The following TMEM132B variants were observed in gnomAD, a reference collection of about 807,000 sequenced individuals.
The protein encoded by TMEM132B is transmembrane protein 132B.
TMEM132B carries 18 observed loss-of-function variants against 90.8 expected under a neutral mutation model. That is an observed-to-expected ratio of 0.20 (90% CI 0.14 to 0.29). TMEM132B has a LOEUF of 0.29. Among genes scored for constraint, TMEM132B ranks in the 10% least tolerant of loss-of-function variants. The probability of loss-of-function intolerance (pLI) is 1.00; values close to 1 mark genes in which losing one functional copy is unlikely to be tolerated. For synonymous variants in TMEM132B, 504 were observed against 523.3 expected, an observed-to-expected ratio of 0.96 and a Z score of 0.50; for missense variants, 1,096 against 1,326.8, an observed-to-expected ratio of 0.83 and a Z score of 2.70.
chr12:125,585,091 C>T (rs1442782832), intron 5 of TMEM132B: 1 of 152,124 alleles, frequency 6.6e-6, no homozygotes, highest in Non-Finnish European at 1.5e-5. Flanking sequence ...TTGTTGTGAC[C>T]TACAGGATGC....
rs753323504 is a variant in TMEM132B, at chr12:125,644,204, C to T, written c.1566C>T (p.Leu522=). Residue 522 remains leucine, a synonymous_variant, in exon 6 of 9, where the codon CTC becomes CTT. Coordinates refer to ENST00000682704, the MANE Select transcript of TMEM132B (RefSeq NM_001366854.1). ...QFEVTVWAPR[L]PLQIEISDTE... ...AGGTCACTGTCTGGGCACCCAGGCT[C>T]CCCCTGCAGATTGAGATCTCAGACA... 4 of 1,614,186 alleles carry T rather than the reference C, an allele frequency of 2.5e-6. No individual in the cohort carries two copies. The highest frequency in any genetic ancestry group is 1.3e-5 in the African/African-American group (1 of 75,036).
intron 4 of TMEM132B, 135 bp from the exon 5 acceptor site, chr12:125,583,716 G>C: frequency 9.5e-7 from 1 of 1,056,742 alleles, no homozygotes; most frequent in African/African-American, 1.6e-5. Flanking sequence ...GAGCTTTGTG[G>C]CTTTGTCCCT....
chr12:125,243,553 G>A lies in TMEM132B; in HGVS notation c.67+56687G>A, dbSNP rs146338437. Among the ~76,000 whole-genome samples, 47 of 152,300 alleles carry A rather than the reference G, an allele frequency of 3.1e-4. 1 individual carries two copies. Among genetic ancestry groups the A allele is most frequent in the African/African-American group, 1.1e-3 (45 of 41,564 alleles). ...ACTCCTGACCTCGAGTGATCTGCCT[G>A]CCTCGGCCTCCCAAAGTGCTGGGAC... is the stretch of plus-strand genomic sequence containing the variant. On this transcript the variant is annotated intron_variant, in intron 1 of 8. Transcript: ENST00000682704.
At position 125,463,353 on chromosome 12, in the gene TMEM132B, G is replaced by T. The variant is rs190948039; in HGVS notation, c.1106+47676G>T. 1.6e-3 allele frequency among the ~76,000 whole-genome samples: 242 copies of T among 152,254 alleles called. 2 individuals carry two copies. The highest frequency in any genetic ancestry group is 5.6e-3 in the African/African-American group (233 of 41,558). ...TCACAATAGGGATGGATGGCAATGG[G>T]GTGTGCTGTCAGTGTGATGTGCATT... On this transcript the variant is annotated intron_variant, in intron 3 of 8. Coordinates refer to ENST00000682704, the MANE Select transcript of TMEM132B (RefSeq NM_001366854.1).
rs149451744 is a variant in TMEM132B, at chr12:125,281,026, C to G, written c.68-68426C>G. Among the ~76,000 whole-genome samples, 1,452 of 152,270 alleles carry G rather than the reference C, an allele frequency of 9.5e-3. 23 individuals are homozygous for G. The highest frequency in any genetic ancestry group is 0.072 in the South Asian group (349 of 4,824). ...ACATGAAGTTCTCTGTGAGGGAACG[C>G]TGGGGAATTACCACACAATGAACCC... On this transcript the variant is annotated intron_variant, in intron 1 of 8. Coordinates refer to ENST00000682704, the MANE Select transcript of TMEM132B (RefSeq NM_001366854.1).
intron 1 of TMEM132B, among the ~76,000 whole-genome samples, chr12:125,241,745 A>G (rs1874073418): frequency 6.6e-6 from 1 of 152,192 alleles, no homozygotes; most frequent in South Asian, 2.1e-4. Context: ...CGTCCAGTCC[A>G]TGGCGATTTG....
intron 2 of TMEM132B, among the ~76,000 whole-genome samples, chr12:125,411,721 GT>G (rs1879847574): frequency 6.6e-6 from 1 of 152,028 alleles, no homozygotes; most frequent in East Asian, 1.9e-4. Flanking sequence ...CTAGAAATGC[GT>G]TTGTGGTGTC....
In TMEM132B at chr12:125,349,445, T is replaced by C; in HGVS notation, c.68-7T>C. 1.3e-6 allele frequency: 2 copies of C among 1,596,410 alleles called. No homozygotes were observed. The highest frequency in any genetic ancestry group is 1.7e-6 in the Non-Finnish European group (2 of 1,171,202). Reference sequence around the variant, plus strand: ...GTTTTATTCTTTTGCTTTCCTTTCTTGTGCAGTGACAGAGAGTCGAGGGAT... The same window carrying C: ...GTTTTATTCTTTTGCTTTCCTTTCTCGTGCAGTGACAGAGAGTCGAGGGAT... On this transcript the variant is annotated splice_polypyrimidine_tract_variant and splice_region_variant and intron_variant, in intron 1 of 8. Transcript: ENST00000682704. This position sits in a 1 kb window ranked among gnomAD's most constrained non-coding sequence, Gnocchi z 4.1.
At chr12:125,565,508 T>C (rs1884639092) in intron 4 of TMEM132B, among the ~76,000 whole-genome samples, 1 of 152,198 alleles carries the variant, frequency 6.6e-6, no homozygotes, top group South Asian at 2.1e-4. Context: ...CCCAGGTGCT[T>C]GTCCAGTATC....
chr12:125,646,559 G>C (rs1324913730), intron 6 of TMEM132B, among the ~76,000 whole-genome samples: 2 of 152,122 alleles, frequency 1.3e-5, no homozygotes, highest in Admixed American at 1.3e-4. Flanking sequence ...GTCTCCTATG[G>C]GCAAACCCAG....
chr12:125,225,633 T>C (rs575469531), intron 1 of TMEM132B, among the ~76,000 whole-genome samples: 22 of 152,334 alleles, frequency 1.4e-4, no homozygotes, highest in African/African-American at 4.1e-4. Flanking sequence ...TTCTTTTCCA[T>C]GGAACAGTTC....
At chr12:125,440,067 T>A (rs1208374010) in intron 3 of TMEM132B, among the ~76,000 whole-genome samples, 1 of 152,216 alleles carries the variant, frequency 6.6e-6, no homozygotes, top group Non-Finnish European at 1.5e-5. Flanking sequence ...GGATTCAGTT[T>A]GCAAGTATTT....
At chr12:125,564,699 T>G (rs949234694) in intron 4 of TMEM132B, among the ~76,000 whole-genome samples, 1 of 152,256 alleles carries the variant, frequency 6.6e-6, no homozygotes, top group Non-Finnish European at 1.5e-5. Context: ...CTTACCACTT[T>G]CCTGTGTAGT....
At chr12:125,411,460 C>T (rs957522382) in intron 2 of TMEM132B, among the ~76,000 whole-genome samples, 4 of 151,696 alleles carry the variant, frequency 2.6e-5, no homozygotes, top group African/African-American at 4.9e-5. Context: ...ATGGGTATAC[C>T]TATGTAACAA....
At chr12:125,618,849 C>G (rs1886052085) in intron 5 of TMEM132B, among the ~76,000 whole-genome samples, 1 of 152,064 alleles carries the variant, frequency 6.6e-6, no homozygotes, top group African/African-American at 2.4e-5. Flanking sequence ...GCAATTGACT[C>G]CAGTTTGGTA....
chr12:125,433,390 G>T (rs11058169), intron 3 of TMEM132B, among the ~76,000 whole-genome samples: 72,174 of 151,646 alleles, frequency 0.48, 20,053 homozygotes, highest in African/African-American at 0.77. Context: ...AAGGACCCTC[G>T]GGTCATTCCT....
At chr12:125,519,329 G>C in intron 3 of TMEM132B, 110 bp from the exon 4 acceptor site, 2 of 1,159,894 alleles carry the variant, frequency 1.7e-6, no homozygotes, top group Non-Finnish European at 2.4e-6. Context: ...TGTTGAACTT[G>C]GCAGTCATTC....
chr12:125,188,417 A>G (rs1045851201), intron 1 of TMEM132B, among the ~76,000 whole-genome samples: 6 of 152,058 alleles, frequency 3.9e-5, no homozygotes, highest in Non-Finnish European at 8.8e-5. Context: ...TTTTGTCTCT[A>G]TTTTGTTTCT....
chr12:125,441,958 AT>A (rs980514284), intron 3 of TMEM132B, among the ~76,000 whole-genome samples: 1 of 152,190 alleles, frequency 6.6e-6, no homozygotes, highest in East Asian at 1.9e-4. Flanking sequence ...TTTTTGAAAG[AT>A]TTTTTTCCTC....
Sources: gnomAD v4.1 joint callset for allele counts (sites outside exome capture counted in the v4.1 genomes callset) on GRCh38, gnomAD v4.1.1 for gene constraint, Gnocchi (gnomAD v3.1) non-coding constraint, MANE v1.5 for transcripts, NCBI Gene and HGNC (gene_info 2026-07-23, HGNC 2026-07-21) for gene names.